DDX60: variants seen among roughly 807,000 people sequenced by gnomAD.
The protein encoded by DDX60 is DExD/H-box helicase 60, also known as probable ATP-dependent RNA helicase DDX60.
Under a neutral mutation model 212.8 loss-of-function variants are expected in DDX60, and 165 were observed. The observed-to-expected ratio is 0.78, with a 90% CI of 0.68 to 0.88. The LOEUF is 0.88. DDX60 is among the 40% of genes least tolerant of loss of function. The pLI is 0.00. For missense variants in DDX60, 1,905 were observed against 2,003.9 expected (o/e 0.95, Z 0.94); for synonymous variants, 703 against 685.3 (o/e 1.03, Z -0.40).
intron 33 of DDX60, among the ~76,000 whole-genome samples, chr4:168,233,315 C>A (rs994725602): frequency 1.3e-5 from 2 of 152,020 alleles, no homozygotes; most frequent in African/African-American, 4.8e-5. Flanking sequence ...CCTTAACAAA[C>A]TAAAAGTAGA....
At chr4:168,296,272 G>A (rs1274504308) in intron 6 of DDX60, among the ~76,000 whole-genome samples, 1 of 152,040 alleles carries the variant, frequency 6.6e-6, no homozygotes, top group Non-Finnish European at 1.5e-5. Context: ...TAGTTATGAT[G>A]TGTCAATCAA....
chr4:168,314,076 T>C (rs1180986003), intron 1 of DDX60, among the ~76,000 whole-genome samples: 1 of 152,136 alleles, frequency 6.6e-6, no homozygotes, highest in Admixed American at 6.5e-5. Flanking sequence ...GGACAGGGTA[T>C]GCAAGACAAT....
rs1387829318 is a variant in DDX60, at chr4:168,237,405, T to C, written c.4292A>G (p.Asn1431Ser). Residue 1431 changes from asparagine to serine, a missense_variant, in exon 32 of 38, where the codon AAT becomes AGT. Asn to Ser is a conservative substitution (Grantham distance 46). Transcript: ENST00000393743. ...TACAAGTCCAGCAAACCCCATAGGA[T>C]TACCTTCTTGATCTAAATAGCCCTA... ...VKEGYLDQEG[N>S]PMGFAGLVSH... The C allele has an allele frequency of 9.5e-6, 15 of 1,583,272 alleles. No homozygotes were observed. The highest frequency in any genetic ancestry group is 1.3e-5 in the Non-Finnish European group (15 of 1,167,238).
chr4:168,248,476 G>A (rs12500298), intron 28 of DDX60, among the ~76,000 whole-genome samples, 184 bp from the exon 29 acceptor site: 8,875 of 152,198 alleles, frequency 0.058, 450 homozygotes, highest in East Asian at 0.15. Context: ...TCCCAAATGC[G>A]CTGTTTGCTT....
At chr4:168,254,902 G>A (rs377211759) in intron 26 of DDX60, among the ~76,000 whole-genome samples, 19 of 152,248 alleles carry the variant, frequency 1.2e-4, no homozygotes, top group South Asian at 8.3e-4. Flanking sequence ...GAGACTGATC[G>A]AGTTAAGGCA....
chr4:168,304,679 T>C lies in DDX60; in HGVS notation c.606+1700A>G, dbSNP rs556244075. 2.6e-4 allele frequency among the ~76,000 whole-genome samples: 40 copies of C among 152,186 alleles called. 1 individual carries two copies. The South Asian group carries it at 3.5e-3, about 13-fold the overall frequency. Reference sequence around the variant, plus strand: ...TCACATCACTGCACTCCAGCCTGAGTGACAGAGTGAAGACACTGTCTCAAG... The same window carrying C: ...TCACATCACTGCACTCCAGCCTGAGCGACAGAGTGAAGACACTGTCTCAAG... On this transcript the variant is annotated intron_variant, in intron 5 of 37. Transcript: ENST00000393743.
At chr4:168,288,978 A>G (rs1212704283) in intron 8 of DDX60, among the ~76,000 whole-genome samples, 2 of 152,252 alleles carry the variant, frequency 1.3e-5, no homozygotes, top group Non-Finnish European at 2.9e-5. Flanking sequence ...AGTATGGGAA[A>G]GGCAGGAAGG....
chr4:168,268,859 G>A lies in DDX60; in HGVS notation c.2781C>T (p.Leu927=). Reference sequence around the variant, plus strand: ...AATTGAAACTTAATGCCTACTCGGTGAGATGTTCAGGATTACTTATGGTAG... The same window carrying A: ...AATTGAAACTTAATGCCTACTCGGTAAGATGTTCAGGATTACTTATGGTAG... ...LSATISNPEH[L]TEWLQSVKWY... Residue 927 remains leucine (L), a synonymous_variant, in exon 20 of 38, where the codon CTC becomes CTT. Transcript: ENST00000393743. 6.5e-7 allele frequency: 1 copy of A among 1,534,702 alleles called. No homozygotes were observed. The highest frequency in any genetic ancestry group is 8.9e-7 in the Non-Finnish European group (1 of 1,127,202).
chr4:168,281,838 TC>T (rs1183935736), intron 13 of DDX60, among the ~76,000 whole-genome samples: 2 of 152,212 alleles, frequency 1.3e-5, no homozygotes, highest in African/African-American at 2.4e-5. Flanking sequence ...ATTTGAGTTT[TC>T]CCAGTGTTTA....
At chr4:168,246,250 T>A (rs1304059137) in intron 30 of DDX60, among the ~76,000 whole-genome samples, 168 bp downstream of exon 30, 11 of 152,136 alleles carry the variant, frequency 7.2e-5, no homozygotes. Flanking sequence ...AACAAAACTG[T>A]TATTCTCCCT....
intron 35 of DDX60, 96 bp downstream of exon 35, chr4:168,224,147 A>C: frequency 1.4e-6 from 2 of 1,389,066 alleles, no homozygotes; most frequent in Non-Finnish European, 2.0e-6. Flanking sequence ...TTTCCTTTTT[A>C]AGCTGGGAAA....
chr4:168,224,513 C>T (rs921390097), intron 34 of DDX60, 128 bp from the exon 35 acceptor site: 15 of 850,590 alleles, frequency 1.8e-5, no homozygotes, highest in African/African-American at 1.7e-4. Context: ...TGAAATGTTT[C>T]GTAAGTTATA....
chr4:168,217,358 T>C (rs1478085750), intron 37 of DDX60, among the ~76,000 whole-genome samples: 1 of 152,138 alleles, frequency 6.6e-6, no homozygotes, highest in Non-Finnish European at 1.5e-5. Context: ...ACATATCTCT[T>C]GTGGAGTCAT....
At chr4:168,285,995 A>G (rs1735828660) in intron 10 of DDX60, among the ~76,000 whole-genome samples, 1 of 116,306 alleles carries the variant, frequency 8.6e-6, no homozygotes, top group South Asian at 3.0e-4. Context: ...AGAAAGAAAG[A>G]AAGAAAGGAG....
intron 25 of DDX60, among the ~76,000 whole-genome samples, chr4:168,257,296 A>G (rs1189480274): frequency 6.6e-6 from 1 of 151,986 alleles, no homozygotes; most frequent in African/African-American, 2.4e-5. Context: ...GCGACAGAGT[A>G]AAACTCCATC....
intron 12 of DDX60, 61 bp downstream of exon 12, chr4:168,284,759 A>C (rs1735743873): frequency 1.2e-6 from 1 of 822,644 alleles, no homozygotes; most frequent in African/African-American, 1.7e-5. Context: ...TTTCCACTAT[A>C]AAATAAGAGG....
rs1369975495 is a variant in DDX60 at position 168,267,875 on chromosome 4, G to A, written c.2895C>T (p.Tyr965=). 1 of 1,613,082 alleles carries A rather than the reference G, an allele frequency of 6.2e-7. No individual in the cohort carries two copies. Among genetic ancestry groups the A allele is most frequent in the South Asian group, 1.1e-5 (1 of 90,882 alleles). Residue 965 remains tyrosine, a synonymous_variant, in exon 21 of 38, where the codon TAC becomes TAT. Transcript: ENST00000393743. ...CTTTATACGATTGTTTTACTTGCAA[G>A]TAGTCTTTGGGAAAGCCGGCCTGAC... is the stretch of plus-strand genomic sequence containing the variant. ...VGRQAGFPKD[Y]LQVKQSYKVR...
chr4:168,239,540 C>A (rs1301177734), intron 30 of DDX60, among the ~76,000 whole-genome samples: 1 of 152,116 alleles, frequency 6.6e-6, no homozygotes, highest in Non-Finnish European at 1.5e-5. Flanking sequence ...GAATAAGGAA[C>A]ATTGTCAATG....
At chr4:168,269,186 C>A (rs183667659) in intron 19 of DDX60, among the ~76,000 whole-genome samples, 2 of 152,296 alleles carry the variant, frequency 1.3e-5, no homozygotes, top group East Asian at 3.9e-4. Flanking sequence ...CAATGCATTT[C>A]TCTTCATGTC....
Sources: gnomAD v4.1 joint callset for allele counts (sites outside exome capture counted in the v4.1 genomes callset) on GRCh38, gnomAD v4.1.1 for gene constraint, MANE v1.5 for transcripts, NCBI Gene and HGNC (gene_info 2026-07-23, HGNC 2026-07-21) for gene names.